Variants in ATXN7L1 observed in about 807,000 individuals in gnomAD.
The protein encoded by ATXN7L1 is ataxin 7 like 1, also known as ataxin-7-like protein 1.
Under a neutral mutation model 70.8 loss-of-function variants are expected in ATXN7L1, and 15 were observed. That is an observed-to-expected ratio of 0.21 (90% CI 0.14 to 0.33). The LOEUF (loss-of-function observed/expected upper bound fraction) is 0.33, where lower values mean the gene tolerates loss of function less well. Among genes scored for constraint, ATXN7L1 ranks in the 10% least tolerant of loss-of-function variants. The pLI is 1.00. For synonymous variants in ATXN7L1, 440 were observed against 445.1 expected, an observed-to-expected ratio of 0.99 and a Z score of 0.14; for missense variants, 975 against 1,097.1, an observed-to-expected ratio of 0.89 and a Z score of 1.57.
intron 3 of ATXN7L1, among the ~76,000 whole-genome samples, chr7:105,723,261 A>G (rs1049449543): frequency 6.6e-6 from 1 of 152,190 alleles, no homozygotes; most frequent in African/African-American, 2.4e-5. Context: ...TTTTCTCTGT[A>G]TGCCTCACTT....
At chr7:105,805,914 GA>G (rs552415198) in intron 2 of ATXN7L1, among the ~76,000 whole-genome samples, 232 of 152,320 alleles carry the variant, frequency 1.5e-3, no homozygotes, top group Non-Finnish European at 2.5e-3. Flanking sequence ...ATGTGCTCAT[GA>G]GTATGAGAGA....
chr7:105,685,203 G>A (rs987774843), intron 3 of ATXN7L1, among the ~76,000 whole-genome samples: 10 of 152,026 alleles, frequency 6.6e-5, no homozygotes, highest in African/African-American at 1.2e-4. Flanking sequence ...TCCAAATCCC[G>A]GCTCTCCTTC....
At chr7:105,749,895 T>C (rs545949241) in intron 3 of ATXN7L1, among the ~76,000 whole-genome samples, 2 of 152,032 alleles carry the variant, frequency 1.3e-5, no homozygotes, top group African/African-American at 4.8e-5. Flanking sequence ...CCGTTGAGGA[T>C]CACTGTTGGC....
chr7:105,689,416 C>A (rs2116189740), intron 3 of ATXN7L1, among the ~76,000 whole-genome samples: 1 of 152,268 alleles, frequency 6.6e-6, no homozygotes, highest in South Asian at 2.1e-4. Flanking sequence ...GGGTTTAGCT[C>A]ATTCAAATGC....
intron 3 of ATXN7L1, among the ~76,000 whole-genome samples, chr7:105,744,832 G>A (rs1445668685): frequency 1.3e-5 from 2 of 151,018 alleles, no homozygotes; most frequent in Non-Finnish European, 2.9e-5. Context: ...CCGCCTCCTG[G>A]GTTCAAGCGA....
intron 2 of ATXN7L1, among the ~76,000 whole-genome samples, chr7:105,861,181 T>C (rs1312496537): frequency 6.6e-6 from 1 of 152,076 alleles, no homozygotes; most frequent in Non-Finnish European, 1.5e-5. Context: ...AAAGTGCTGC[T>C]GCAAAGGGCA....
intron 2 of ATXN7L1, among the ~76,000 whole-genome samples, chr7:105,801,465 C>T: frequency 6.6e-6 from 1 of 152,186 alleles, no homozygotes; most frequent in African/African-American, 2.4e-5. Context: ...CTGATAGCTC[C>T]TAAACTTAGC....
intron 2 of ATXN7L1, among the ~76,000 whole-genome samples, chr7:105,848,979 T>A (rs1433604455): frequency 6.6e-6 from 1 of 152,218 alleles, no homozygotes; most frequent in Admixed American, 6.5e-5. Flanking sequence ...ATCACCCCAG[T>A]GGATCACTTG....
rs531895613 is a variant in ATXN7L1 at position 105,662,087 on chromosome 7, T to G, written c.578+2979A>C. ...CCTTCCTTCCTTCCTTCCTTCTTTC[T>G]TTTCTTTTCTTTTCTTTTCTTTTTT... On this transcript the variant is annotated intron_variant, in intron 4 of 11. Transcript: ENST00000419735. Among the ~76,000 whole-genome samples the G allele has an allele frequency of 7.5e-4, 57 of 75,848 alleles. 1 individual carries two copies. The highest frequency in any genetic ancestry group is 1.8e-3 in the African/African-American group (46 of 26,038). The allele number at this position is 75,848 out of a possible 152,430, so 49.8% of individuals were successfully genotyped here. A position where few individuals can be genotyped will look rare whatever the true frequency, so the allele number is the denominator to read the frequency against.
chr7:105,867,704 A>G (rs1230457146), intron 2 of ATXN7L1, among the ~76,000 whole-genome samples: 1 of 152,242 alleles, frequency 6.6e-6, no homozygotes, highest in Middle Eastern at 3.2e-3. Flanking sequence ...AAGGCCTAAC[A>G]CATGGACAGA....
At chr7:105,639,388 CG>C in intron 6 of ATXN7L1, 98 bp downstream of exon 6, 1 of 892,218 alleles carries the variant, frequency 1.1e-6, no homozygotes, top group Admixed American at 2.2e-5. Context: ...GGGGTCATGT[CG>C]AGGTTCCACA....
intron 3 of ATXN7L1, among the ~76,000 whole-genome samples, chr7:105,711,973 TGGA>T (rs1005202978): frequency 6.6e-6 from 1 of 152,212 alleles, no homozygotes; most frequent in African/African-American, 2.4e-5. Flanking sequence ...GAAATCTAGG[TGGA>T]GGTTCCCAAA....
intron 3 of ATXN7L1, among the ~76,000 whole-genome samples, chr7:105,672,673 C>G (rs1369394178): frequency 1.3e-5 from 2 of 152,168 alleles, no homozygotes; most frequent in Non-Finnish European, 2.9e-5. Flanking sequence ...TGGGCTCTAC[C>G]ACCTTGGAAT....
chr7:105,875,514 C>T (rs1469490226), intron 2 of ATXN7L1, among the ~76,000 whole-genome samples: 1 of 151,836 alleles, frequency 6.6e-6, no homozygotes, highest in Non-Finnish European at 1.5e-5. Flanking sequence ...TAACGCCCCA[C>T]CATTTGGCAA....
At chr7:105,714,200 C>T (rs1794253513) in intron 3 of ATXN7L1, among the ~76,000 whole-genome samples, 1 of 152,222 alleles carries the variant, frequency 6.6e-6, no homozygotes, top group African/African-American at 2.4e-5. Flanking sequence ...GTCAGAATTT[C>T]AATCCAAATG....
In ATXN7L1 at chr7:105,660,153, G is replaced by A. The variant is rs114576647; in HGVS notation, c.578+4913C>T. 7.6e-3 allele frequency among the ~76,000 whole-genome samples: 1,161 copies of A among 152,134 alleles called. 14 individuals are homozygous for A. The highest frequency in any genetic ancestry group is 0.027 in the African/African-American group (1,111 of 41,476). ...ACACACCACTGCCTGGATCCAGGCT[G>A]TCACCACGCCTCGCCTGGGTGACAC... On this transcript the variant is annotated intron_variant, in intron 4 of 11. Coordinates refer to ENST00000419735, the MANE Select transcript of ATXN7L1 (RefSeq NM_020725.2).
intron 2 of ATXN7L1, among the ~76,000 whole-genome samples, chr7:105,809,955 A>T (rs1808189324): frequency 1.3e-5 from 2 of 152,092 alleles, no homozygotes; most frequent in African/African-American, 4.8e-5. Context: ...AATTTTTTGT[A>T]GAGACGAGGT....
chr7:105,865,693 A>G (rs772414191), intron 2 of ATXN7L1, among the ~76,000 whole-genome samples: 9 of 151,866 alleles, frequency 5.9e-5, no homozygotes, highest in East Asian at 3.9e-4. Flanking sequence ...GAGCCACTGC[A>G]CCCGGGCCAT....
chr7:105,681,643 G>A (rs1168156990), intron 3 of ATXN7L1, among the ~76,000 whole-genome samples: 3 of 152,170 alleles, frequency 2.0e-5, no homozygotes, highest in African/African-American at 7.2e-5. Flanking sequence ...AAAGGTGGAA[G>A]CAACCCAAGT....
Sources: gnomAD v4.1 joint callset for allele counts (sites outside exome capture counted in the v4.1 genomes callset) on GRCh38, gnomAD v4.1.1 for gene constraint, MANE v1.5 for transcripts, NCBI Gene and HGNC (gene_info 2026-07-23, HGNC 2026-07-21) for gene names.